The following CHST11 variants were observed in gnomAD, a reference collection of about 807,000 sequenced individuals.
CHST11 encodes carbohydrate sulfotransferase 11.
CHST11 carries 9 observed loss-of-function variants against 30.4 expected under a neutral mutation model. The observed-to-expected ratio is 0.30, with a 90% CI of 0.18 to 0.52. The LOEUF (loss-of-function observed/expected upper bound fraction) is 0.52. Ranked by LOEUF, CHST11 falls within the 20% of genes least tolerant of loss-of-function variation. The probability of loss-of-function intolerance (pLI) is 0.97; values close to 1 mark genes in which losing one functional copy is unlikely to be tolerated. For synonymous variants in CHST11, 152 were observed against 187.8 expected, an observed-to-expected ratio of 0.81 and a Z score of 1.56; for missense variants, 348 against 460.6, an observed-to-expected ratio of 0.76 and a Z score of 2.24.
chr12:104,525,559 G>A (rs2038116884), intron 1 of CHST11, among the ~76,000 whole-genome samples: 1 of 152,130 alleles, frequency 6.6e-6, no homozygotes, highest in South Asian at 2.1e-4. Context: ...TAATCTCCCT[G>A]AGCCTCAGCT....
chr12:104,757,872 G>T lies in CHST11; in HGVS notation c.*69G>T. 1.4e-6 allele frequency: 2 copies of T among 1,398,842 alleles called. No homozygotes were observed. Among genetic ancestry groups the T allele is most frequent in the Non-Finnish European group, 9.7e-7 (1 of 1,028,754 alleles). The allele number at this position is 1,398,842 out of a possible 1,614,324, so 86.7% of individuals were successfully genotyped here. Reference sequence around the variant, plus strand: ...TTTTTATTTGTCAAAAGAATTATATGGATATTGGGTTATTTTGTAAATTAA... The same window carrying T: ...TTTTTATTTGTCAAAAGAATTATATTGATATTGGGTTATTTTGTAAATTAA... On this transcript the variant is annotated 3_prime_UTR_variant, in exon 3 of 3. Transcript: ENST00000303694. The surrounding 1 kb of genome is among the most constrained non-coding windows in gnomAD (Gnocchi z 6.5).
intron 1 of CHST11, among the ~76,000 whole-genome samples, chr12:104,599,168 A>G (rs2038934530): frequency 6.6e-6 from 1 of 152,148 alleles, no homozygotes; most frequent in Non-Finnish European, 1.5e-5. Flanking sequence ...TGGTCTGGGG[A>G]GCCAAGGCCG....
At chr12:104,670,251 T>TA (rs1434662344) in intron 2 of CHST11, among the ~76,000 whole-genome samples, 14 of 152,174 alleles carry the variant, frequency 9.2e-5, no homozygotes, top group African/African-American at 3.4e-4. Context: ...CTTAGGATGC[T>TA]AACAGGGCTG....
At chr12:104,659,308 G>A (rs1833008298) in intron 2 of CHST11, among the ~76,000 whole-genome samples, 1 of 152,164 alleles carries the variant, frequency 6.6e-6, no homozygotes, top group Admixed American at 6.5e-5. Context: ...GGTTGTTTAG[G>A]GAGGATTCCT....
chr12:104,597,351 GTGT>G (rs1366656290), intron 1 of CHST11, among the ~76,000 whole-genome samples: 1 of 152,086 alleles, frequency 6.6e-6, no homozygotes, highest in Non-Finnish European at 1.5e-5. Context: ...GAGAAAACAA[GTGT>G]TGTGGCTAAA....
rs972333206 is a variant in CHST11 at position 104,701,943 on chromosome 12, G to A, written c.205-55006G>A. 1.9e-4 allele frequency among the ~76,000 whole-genome samples: 29 copies of A among 152,198 alleles called. 1 individual carries two copies. The highest frequency in any genetic ancestry group is 5.9e-5 in the Non-Finnish European group (4 of 68,036). Reference sequence around the variant, plus strand: ...TTCAAGTGGAGTTCACCTTGGTTTGGGGTCAGGGAGGGACTGAGAGGCATT... The same window carrying A: ...TTCAAGTGGAGTTCACCTTGGTTTGAGGTCAGGGAGGGACTGAGAGGCATT... On this transcript the variant is annotated intron_variant, in intron 2 of 2. Transcript: ENST00000303694.
intron 2 of CHST11, among the ~76,000 whole-genome samples, chr12:104,645,966 G>A (rs2039426074): frequency 6.6e-6 from 1 of 152,134 alleles, no homozygotes; most frequent in Non-Finnish European, 1.5e-5. Context: ...GTTCTTTGGG[G>A]ACCTTGGTGA....
At chr12:104,755,795 A>C (rs1040941173) in intron 2 of CHST11, among the ~76,000 whole-genome samples, 20 of 152,154 alleles carry the variant, frequency 1.3e-4, no homozygotes, top group African/African-American at 3.9e-4. Flanking sequence ...AAAAAAAGAA[A>C]AGAAAAGAAT....
intron 2 of CHST11, among the ~76,000 whole-genome samples, chr12:104,744,088 T>C (rs1370672575): frequency 2.6e-5 from 4 of 152,230 alleles, no homozygotes; most frequent in African/African-American, 7.2e-5. Context: ...GTCTTTATAA[T>C]AGAATGATTT....
chr12:104,631,425 G>A (rs2039269041), intron 2 of CHST11, among the ~76,000 whole-genome samples: 1 of 152,148 alleles, frequency 6.6e-6, no homozygotes. Context: ...GCGTCTATGT[G>A]CTTTCCCTCT....
chr12:104,503,281 G>C (rs565288440), intron 1 of CHST11, among the ~76,000 whole-genome samples: 1 of 152,310 alleles, frequency 6.6e-6, no homozygotes, highest in South Asian at 2.1e-4. Flanking sequence ...AAGAGAGAAG[G>C]AACTGTTGTT....
chr12:104,632,539 TA>T (rs1227459792), intron 2 of CHST11, among the ~76,000 whole-genome samples: 1 of 152,202 alleles, frequency 6.6e-6, no homozygotes, highest in Non-Finnish European at 1.5e-5. Context: ...AAAGATTCTC[TA>T]ACTGTGGAAT....
At chr12:104,602,837 C>T (rs2038969773) in intron 2 of CHST11, among the ~76,000 whole-genome samples, 1 of 152,112 alleles carries the variant, frequency 6.6e-6, no homozygotes, top group Admixed American at 6.5e-5. Flanking sequence ...GACCAAGGTA[C>T]CTGGTGGAGG....
intron 1 of CHST11, among the ~76,000 whole-genome samples, chr12:104,496,779 G>A (rs1001298613): frequency 6.6e-6 from 1 of 151,566 alleles, no homozygotes; most frequent in African/African-American, 2.4e-5. Flanking sequence ...GTTGTTTCCT[G>A]CAACAAAATC....
rs563811249 is a variant in CHST11 at position 104,488,645 on chromosome 12, A to G, written c.118+31116A>G. On this transcript the variant is annotated intron_variant, in intron 1 of 2. Transcript: ENST00000303694. ...TGCATGTATGTGTGTGTGCGTGTGT[A>G]TGTGTGTGTGTATGTGTGCGTGTAT... Among the ~76,000 whole-genome samples the G allele has an allele frequency of 1.9e-4, 26 of 136,686 alleles. No individual in the cohort carries two copies. In the South Asian group the frequency reaches 2.8e-3, roughly 15 times the overall value. The allele number at this position is 136,686 out of a possible 152,430, so 89.7% of individuals were successfully genotyped here. A position where few individuals can be genotyped will look rare whatever the true frequency, so the allele number is the denominator to read the frequency against.
rs147100631 is a variant in CHST11 at position 104,627,710 on chromosome 12, T to A, written c.204+25719T>A. On this transcript the variant is annotated intron_variant, in intron 2 of 2. Transcript: ENST00000303694. ...TCTCTCCTTTTGGGCATTTAATACA[T>A]CTTTAACACAAATCAGGATTGTAGA... Among the ~76,000 whole-genome samples the A allele has an allele frequency of 3.2e-4, 48 of 152,338 alleles. 1 individual carries two copies. Among genetic ancestry groups the A allele is most frequent in the African/African-American group, 9.6e-4 (40 of 41,576 alleles).
At chr12:104,505,784 T>C (rs1352799396) in intron 1 of CHST11, among the ~76,000 whole-genome samples, 1 of 152,246 alleles carries the variant, frequency 6.6e-6, no homozygotes, top group Non-Finnish European at 1.5e-5. Flanking sequence ...CACTCCGTTA[T>C]TATTTGCTTA....
chr12:104,570,617 G>A (rs1253443424), intron 1 of CHST11, among the ~76,000 whole-genome samples: 8 of 152,034 alleles, frequency 5.3e-5, no homozygotes, highest in African/African-American at 1.2e-4. Flanking sequence ...CAAGCAACTC[G>A]GGAATTTAGA....
rs911129696 is a variant in CHST11 at position 104,761,179 on chromosome 12, GA to G, written c.*3377del. ...TGCTGACCTGTGGTATCTCAGAGGG[GA>G]CGTTCCTCCTCCTCCCTGTGCACCA... On this transcript the variant is annotated 3_prime_UTR_variant, in exon 3 of 3. Coordinates refer to ENST00000303694, the MANE Select transcript of CHST11 (RefSeq NM_018413.6). 1.3e-5 allele frequency: 2 copies of G among 152,236 alleles called. No individual in the cohort carries two copies. Among genetic ancestry groups the G allele is most frequent in the African/African-American group, 4.8e-5 (2 of 41,422 alleles). 9.4% of individuals were successfully genotyped at this position (152,236 alleles called of 1,614,324 possible).
Sources: allele counts gnomAD v4.1 joint callset (sites outside exome capture counted in the v4.1 genomes callset), GRCh38; gene constraint gnomAD v4.1.1; non-coding constraint Gnocchi (gnomAD v3.1); transcripts MANE v1.5; gene names NCBI Gene and HGNC (gene_info 2026-07-23, HGNC 2026-07-21).